OSBPL9: variants seen among roughly 807,000 people sequenced by gnomAD.
The protein encoded by OSBPL9 is oxysterol binding protein like 9, also known as oxysterol-binding protein-related protein 9.
OSBPL9 carries 40 observed loss-of-function variants against 106.6 expected under a neutral mutation model. That is an observed-to-expected ratio of 0.38 (90% CI 0.29 to 0.49). OSBPL9 has a LOEUF of 0.49. Among genes scored for constraint, OSBPL9 ranks in the 20% least tolerant of loss-of-function variants. The probability of loss-of-function intolerance (pLI) is 0.97; values close to 1 mark genes in which losing one functional copy is unlikely to be tolerated. For synonymous variants in OSBPL9, 269 were observed against 295.4 expected (o/e 0.91, Z 0.92); for missense variants, 609 against 887.2 (o/e 0.69, Z 3.98).
the OSBPL9 span, among the ~76,000 whole-genome samples, chr1:51,555,301 C>T: frequency 6.6e-6 from 1 of 151,876 alleles, no homozygotes; most frequent in Non-Finnish European, 1.5e-5. Flanking sequence ...ACCAGCCTGA[C>T]CAACATGGCG....
chr1:51,705,707 G>A (rs1282017020), intron 3 of OSBPL9, among the ~76,000 whole-genome samples: 3 of 152,080 alleles, frequency 2.0e-5, no homozygotes, highest in South Asian at 2.1e-4. Context: ...GAGCCACCAC[G>A]CCTGGCCCCA....
chr1:51,777,482 C>T (rs1441003976), intron 15 of OSBPL9, among the ~76,000 whole-genome samples: 6 of 152,160 alleles, frequency 3.9e-5, no homozygotes, highest in Non-Finnish European at 4.4e-5. Flanking sequence ...CATTGCCTTT[C>T]GCTGGTAGCA....
chr1:51,775,774 G>T (rs1001407343), intron 14 of OSBPL9, among the ~76,000 whole-genome samples: 33 of 151,914 alleles, frequency 2.2e-4, no homozygotes, highest in Middle Eastern at 3.4e-3. Context: ...CCACACTCAG[G>T]TAATTTTTGT....
chr1:51,734,835 C>T (rs187067551), intron 4 of OSBPL9, among the ~76,000 whole-genome samples: 2 of 152,150 alleles, frequency 1.3e-5, no homozygotes, highest in African/African-American at 4.8e-5. Flanking sequence ...CCTTTCCCCC[C>T]CAAACCCTAG....
chr1:51,604,899 G>A (rs867219378), intron 2 of OSBPL9, among the ~76,000 whole-genome samples: 33 of 152,036 alleles, frequency 2.2e-4, no homozygotes, highest in African/African-American at 7.5e-4. Context: ...TGATCCACCC[G>A]CCTCAGCCTC....
At chr1:51,683,300 C>T (rs1195575570) in intron 3 of OSBPL9, among the ~76,000 whole-genome samples, 2 of 152,032 alleles carry the variant, frequency 1.3e-5, no homozygotes, top group African/African-American at 4.8e-5. Flanking sequence ...CCTGCCTCGG[C>T]CTCCAGAGTA....
chr1:51,729,901 A>G lies in OSBPL9; in HGVS notation c.319-15635A>G. The G allele has an allele frequency of 7.8e-7, 1 of 1,276,006 alleles. No homozygotes were observed. Among genetic ancestry groups the G allele is most frequent in the Non-Finnish European group, 1.0e-6 (1 of 1,003,572 alleles). 79.0% of individuals were successfully genotyped at this position (1,276,006 alleles called of 1,614,324 possible). A position where few individuals can be genotyped will look rare whatever the true frequency, so the allele number is the denominator to read the frequency against. ...GCAGTCCGGGGATCGGGTCGAGGGG[A>G]GAAGAAAAAGGGGTGCTCGGGAGCA... On this transcript the variant is annotated intron_variant, in intron 4 of 23. Transcript: ENST00000428468. The surrounding 1 kb of genome is among the most constrained non-coding windows in gnomAD (Gnocchi z 5.1).
chr1:51,611,071 G>A (rs779364112), intron 2 of OSBPL9, among the ~76,000 whole-genome samples: 1 of 152,280 alleles, frequency 6.6e-6, no homozygotes, highest in South Asian at 2.1e-4. Context: ...AGGGGACACT[G>A]GAAGGAGAAG....
the OSBPL9 span, among the ~76,000 whole-genome samples, chr1:51,547,396 G>A: frequency 3.2e-4 from 49 of 152,128 alleles, no homozygotes; most frequent in African/African-American, 1.2e-3. Context: ...GAAAAAATGC[G>A]ATTAAAACAT....
intron 11 of OSBPL9, 69 bp from the exon 12 acceptor site, chr1:51,765,753 T>C (rs1444912334): frequency 5.7e-6 from 8 of 1,400,648 alleles, no homozygotes; most frequent in Non-Finnish European, 9.6e-7. Flanking sequence ...AAAAGTCTGC[T>C]TTGACTCCAT....
chr1:51,698,055 A>G (rs545740690), intron 3 of OSBPL9, among the ~76,000 whole-genome samples: 1 of 152,238 alleles, frequency 6.6e-6, no homozygotes, highest in Admixed American at 6.5e-5. Flanking sequence ...TCACAACCTT[A>G]TAAGGCCGAG....
chr1:51,531,570 T>A, the OSBPL9 span, among the ~76,000 whole-genome samples: 2 of 152,310 alleles, frequency 1.3e-5, no homozygotes, highest in East Asian at 3.9e-4. Flanking sequence ...TTGATGAAAT[T>A]GTTTTTTACT....
At chr1:51,642,612 C>T (rs1645875984) in intron 1 of OSBPL9, among the ~76,000 whole-genome samples, 1 of 152,106 alleles carries the variant, frequency 6.6e-6, no homozygotes, top group African/African-American at 2.4e-5. Context: ...CAACTGTCCC[C>T]CTCCCCTCAT....
At chr1:51,779,820 G>A (rs1675908116) in intron 15 of OSBPL9, among the ~76,000 whole-genome samples, 1 of 152,182 alleles carries the variant, frequency 6.6e-6, no homozygotes, top group South Asian at 2.1e-4. Flanking sequence ...GCTCACACCT[G>A]TAATCCCAGC....
Position 51,729,719 on chromosome 1 carries a change from G to A in OSBPL9, c.318+15640G>A. On this transcript the variant is annotated intron_variant, in intron 4 of 23. Coordinates refer to ENST00000428468, the MANE Select transcript of OSBPL9 (RefSeq NM_024586.6). The surrounding 1 kb of genome is among the most constrained non-coding windows in gnomAD (Gnocchi z 5.1). ...TCACCTCCTACAGCAGGTGACCCATGGCCAATCGCCAGGGGTCTCTTTGCC... is the reference window on the plus strand; with the variant it reads ...TCACCTCCTACAGCAGGTGACCCATAGCCAATCGCCAGGGGTCTCTTTGCC... 1 of 833,322 alleles carries A rather than the reference G, an allele frequency of 1.2e-6. No individual in the cohort carries two copies. Among genetic ancestry groups the A allele is most frequent in the Non-Finnish European group, 1.6e-6 (1 of 625,946 alleles). The allele number at this position is 833,322 out of a possible 1,614,324, so 51.6% of individuals were successfully genotyped here. A position where few individuals can be genotyped will look rare whatever the true frequency, so the allele number is the denominator to read the frequency against.
intron 3 of OSBPL9, among the ~76,000 whole-genome samples, chr1:51,698,339 C>G (rs1425653765): frequency 6.6e-6 from 1 of 152,066 alleles, no homozygotes; most frequent in Non-Finnish European, 1.5e-5. Context: ...TTATAAAGGT[C>G]TATTTAGTGG....
chr1:51,573,069 G>T (rs920220896), upstream of OSBPL9, among the ~76,000 whole-genome samples: 1 of 152,102 alleles, frequency 6.6e-6, no homozygotes, highest in Non-Finnish European at 1.5e-5. Flanking sequence ...AAAATTAGCT[G>T]GGTGTGATGG....
chr1:51,727,199 C>G (rs369143688), intron 4 of OSBPL9, among the ~76,000 whole-genome samples: 1 of 148,116 alleles, frequency 6.8e-6, no homozygotes, highest in South Asian at 2.1e-4. Flanking sequence ...AATTAAGTCC[C>G]TAGGGCTGCC....
intron 1 of OSBPL9, among the ~76,000 whole-genome samples, chr1:51,597,480 GGATA>G (rs1183426711): frequency 7.0e-6 from 1 of 142,008 alleles, no homozygotes; most frequent in Non-Finnish European, 1.5e-5. Context: ...CACACACAAA[GGATA>G]GATTGTATAT....
Sources: allele counts gnomAD v4.1 joint callset (sites outside exome capture counted in the v4.1 genomes callset), GRCh38; gene constraint gnomAD v4.1.1; non-coding constraint Gnocchi (gnomAD v3.1); transcripts MANE v1.5; gene names NCBI Gene and HGNC (gene_info 2026-07-23, HGNC 2026-07-21).